Variants in HMCN2 observed in about 807,000 individuals in gnomAD.
HMCN2 encodes the protein hemicentin-2.
Under a neutral mutation model 377.5 loss-of-function variants are expected in HMCN2, and 325 were observed. The observed-to-expected ratio is 0.86, with a 90% CI of 0.79 to 0.94. The LOEUF (loss-of-function observed/expected upper bound fraction) is 0.94, where lower values mean the gene tolerates loss of function less well. Ranked by LOEUF, HMCN2 falls within the 40% of genes least tolerant of loss-of-function variation. HMCN2 has a pLI of 0.00. For missense variants in HMCN2, 4,543 were observed against 4,725.3 expected (o/e 0.96, Z 1.13); for synonymous variants, 2,007 against 2,046.8 (o/e 0.98, Z 0.53).
At chr9:130,323,513 T>A (rs1388290355) in intron 19 of HMCN2, among the ~76,000 whole-genome samples, 1 of 152,190 alleles carries the variant, frequency 6.6e-6, no homozygotes, top group African/African-American at 2.4e-5. Context: ...GCTTTTGTGC[T>A]GATCAGGGAA....
At position 130,384,386 on chromosome 9, in the gene HMCN2, C is replaced by T. The variant is rs1248034085; in HGVS notation, c.8844C>T (p.Ile2948=). Reference sequence around the variant, plus strand: ...CTGTGGGGATAGTCCCGCCACGAATCGCAGGCCTGGACTTGGAGCAGGTCA... The same window carrying T: ...CTGTGGGGATAGTCCCGCCACGAATTGCAGGCCTGGACTTGGAGCAGGTCA... The part of the protein sequence containing the change: ...FTLRVQVPPR[I]AGLDLEQVTA... The change falls in exon 58 of 98, where the codon ATC becomes ATT. Residue 2948 remains isoleucine (I), a synonymous_variant. Coordinates refer to ENST00000683500, the MANE Select transcript of HMCN2 (RefSeq NM_001291815.2). 5 of 1,298,738 alleles carry T rather than the reference C, an allele frequency of 3.8e-6. No homozygotes were observed. Among genetic ancestry groups the T allele is most frequent in the East Asian group, 5.6e-5 (1 of 17,926 alleles). 80.5% of individuals were successfully genotyped at this position (1,298,738 alleles called of 1,614,324 possible).
intron 22 of HMCN2, among the ~76,000 whole-genome samples, chr9:130,337,227 G>A (rs1348288775): frequency 6.6e-6 from 1 of 152,200 alleles, no homozygotes. Flanking sequence ...GGATGGGGGT[G>A]ATGTGACTTT....
chr9:130,382,246 G>A lies in HMCN2; in HGVS notation c.8494G>A (p.Ala2832Thr). 1 of 985,892 alleles carries A rather than the reference G, an allele frequency of 1.0e-6. No homozygotes were observed. The highest frequency in any genetic ancestry group is 1.2e-6 in the Non-Finnish European group (1 of 829,956). 61.1% of individuals were successfully genotyped at this position (985,892 alleles called of 1,614,324 possible). A position where few individuals can be genotyped will look rare whatever the true frequency, so the allele number is the denominator to read the frequency against. ...GAACGCCGGGAGGTACTCGTGCAAG[G>A]CCTCCAACGAGGTGGGCGAGGACTG... is the stretch of plus-strand genomic sequence containing the variant. ...AENAGRYSCK[A>T]SNEVGEDWLH... The change falls in exon 55 of 98, where the codon GCC (alanine) becomes ACC (threonine). Residue 2832 changes from alanine (A) to threonine (T), a missense_variant. Physicochemically the swap from Ala to Thr is moderately conservative, Grantham distance 58 (BLOSUM62 0). This residue lies in a region of HMCN2 where 736 missense variants were observed against 773.2 expected (regional missense o/e 0.95). Coordinates refer to ENST00000683500, the MANE Select transcript of HMCN2 (RefSeq NM_001291815.2).
intron 4 of HMCN2, among the ~76,000 whole-genome samples, chr9:130,287,532 CA>C (rs1835480359): frequency 1.1e-5 from 1 of 92,528 alleles, no homozygotes; most frequent in Non-Finnish European, 2.0e-5. Context: ...GCCTGGGCAA[CA>C]AGAGTGAAAC....
intron 54 of HMCN2, among the ~76,000 whole-genome samples, chr9:130,381,531 G>A (rs563488458): frequency 1.3e-5 from 2 of 152,232 alleles, no homozygotes; most frequent in South Asian, 2.1e-4. Context: ...ACCACACCCG[G>A]GGAATTTTTG....
At chr9:130,383,013 A>T (rs1475009245) in intron 56 of HMCN2, 147 bp downstream of exon 56, 3 of 392,754 alleles carry the variant, frequency 7.6e-6, no homozygotes, top group Admixed American at 1.3e-4. Flanking sequence ...ACCTGTGAGG[A>T]GGCATGCTGG....
intron 23 of HMCN2, among the ~76,000 whole-genome samples, chr9:130,340,535 T>C (rs36139561): frequency 0.42 from 62,867 of 149,792 alleles, 15,100 homozygotes; most frequent in Non-Finnish European, 0.56. Flanking sequence ...TTTTTTTTTT[T>C]CTTAGACGGA....
At chr9:130,339,659 T>C (rs1213264763) in intron 23 of HMCN2, among the ~76,000 whole-genome samples, 14 of 152,218 alleles carry the variant, frequency 9.2e-5, no homozygotes, top group Admixed American at 4.6e-4. Context: ...ATTGTGGGCA[T>C]TGAATGCTCA....
intron 74 of HMCN2, among the ~76,000 whole-genome samples, 165 bp from the exon 75 acceptor site, chr9:130,398,386 T>C (rs1842712015): frequency 6.6e-6 from 1 of 152,078 alleles, no homozygotes; most frequent in Non-Finnish European, 1.5e-5. Flanking sequence ...CAAAACACCC[T>C]GCTGGAAGCG....
At chr9:130,288,940 C>T (rs1835571915) in intron 4 of HMCN2, among the ~76,000 whole-genome samples, 1 of 152,196 alleles carries the variant, frequency 6.6e-6, no homozygotes, top group African/African-American at 2.4e-5. Context: ...CTTGAACCTG[C>T]CCCAAAGGTG....
At chr9:130,350,390 A>AAG (rs1480433788) in intron 29 of HMCN2, among the ~76,000 whole-genome samples, 3 of 142,828 alleles carry the variant, frequency 2.1e-5, no homozygotes, top group African/African-American at 5.1e-5. Flanking sequence ...AAAAAATACA[A>AAG]AAAAAAAAAA....
intron 85 of HMCN2, among the ~76,000 whole-genome samples, chr9:130,415,202 T>A (rs1360074870): frequency 6.6e-6 from 1 of 152,174 alleles, no homozygotes; most frequent in African/African-American, 2.4e-5. Context: ...GATGGAAGAT[T>A]TAAATAAGAG....
chr9:130,283,267 T>TA (rs1194514595), intron 1 of HMCN2, among the ~76,000 whole-genome samples: 20 of 149,748 alleles, frequency 1.3e-4, no homozygotes, highest in Admixed American at 6.0e-4. Flanking sequence ...TGCTATTTTT[T>TA]AAAAAAAAAA....
In HMCN2 at chr9:130,407,656, G is replaced by C. The variant is rs942933262; in HGVS notation, c.12639G>C (p.Ala4213=). 1 of 1,280,666 alleles carries C rather than the reference G, an allele frequency of 7.8e-7. No homozygotes were observed. The highest frequency in any genetic ancestry group is 5.7e-5 in the East Asian group (1 of 17,620). The allele number at this position is 1,280,666 out of a possible 1,614,324, so 79.3% of individuals were successfully genotyped here. A position where few individuals can be genotyped will look rare whatever the true frequency, so the allele number is the denominator to read the frequency against. Residue 4213 remains alanine (A), a synonymous_variant, in exon 83 of 98, where the codon GCG becomes GCC. Transcript: ENST00000683500. The stretch of plus-strand genomic sequence containing the variant: ...ACAGCGGGACCTATGTCTGCTGGGC[G>C]GAGAACAGAGTGGGCCGCACGCAGG... ...REDSGTYVCW[A]ENRVGRTQAV...
intron 22 of HMCN2, among the ~76,000 whole-genome samples, chr9:130,330,271 A>G (rs2131432728): frequency 6.6e-6 from 1 of 151,758 alleles, no homozygotes; most frequent in East Asian, 1.9e-4. Context: ...ACAGGGCTCC[A>G]CGGCAGCCCC....
In HMCN2 at chr9:130,334,759, T is replaced by TTC. The variant is rs1179524224; in HGVS notation, c.3360-3116_3360-3115dup. On this transcript the variant is annotated intron_variant, in intron 22 of 97. Coordinates refer to ENST00000683500, the MANE Select transcript of HMCN2 (RefSeq NM_001291815.2). ...CTCTCTTTCTCTTTCTCTCTCTCTC[T>TTC]TCTCTCTCTCTCTCTCTCTCCCTCT... Among the ~76,000 whole-genome samples, 848 of 136,058 alleles carry TTC rather than the reference T, an allele frequency of 6.2e-3. 14 individuals carry two copies. Among genetic ancestry groups the TTC allele is most frequent in the African/African-American group, 0.021 (755 of 36,472 alleles). The allele number at this position is 136,058 out of a possible 152,430, so 89.3% of individuals were successfully genotyped here. A position where few individuals can be genotyped will look rare whatever the true frequency, so the allele number is the denominator to read the frequency against.
chr9:130,331,257 G>A (rs1438088999), intron 22 of HMCN2, among the ~76,000 whole-genome samples: 1 of 151,980 alleles, frequency 6.6e-6, no homozygotes, highest in African/African-American at 2.4e-5. Context: ...GCCAGCTCTC[G>A]CGGTCATAAA....
At position 130,408,574 on chromosome 9, in the gene HMCN2, A is replaced by G. The variant is rs137989243; in HGVS notation, c.12689-169A>G. Among the ~76,000 whole-genome samples, 7 of 152,248 alleles carry G rather than the reference A, an allele frequency of 4.6e-5. No homozygotes were observed. In the East Asian group the frequency reaches 1.2e-3, roughly 25 times the overall value. ...TCTTTGTGACTTGACCCATGACATG[A>G]ACACTGTTTGCTGTCCCTGATGCAC... On this transcript the variant is annotated intron_variant, in intron 83 of 97. Coordinates refer to ENST00000683500, the MANE Select transcript of HMCN2 (RefSeq NM_001291815.2).
chr9:130,433,409 C>T lies in HMCN2; in HGVS notation c.14956C>T (p.Arg4986Trp). ...GTGGPSTLQY[R>W]LLPLPLGVRA... Reference sequence around the variant, plus strand: ...GGGCGGCCCCTCTACGCTGCAGTACCGGCTGCTGCCGCTGCCCCTGGGCGT... The same window carrying T: ...GGGCGGCCCCTCTACGCTGCAGTACTGGCTGCTGCCGCTGCCCCTGGGCGT... Residue 4986 changes from arginine (R) to tryptophan (W), a missense_variant, in exon 98 of 98, where the codon CGG becomes TGG. Transcript: ENST00000683500. 6.7e-7 allele frequency: 1 copy of T among 1,492,922 alleles called. No homozygotes were observed. 92.5% of individuals were successfully genotyped at this position (1,492,922 alleles called of 1,614,324 possible).
Sources: gnomAD v4.1 joint callset for allele counts (sites outside exome capture counted in the v4.1 genomes callset) on GRCh38, gnomAD v4.1.1 for gene constraint, gnomAD v4.1.1 regional missense constraint, MANE v1.5 for transcripts, NCBI Gene and HGNC (gene_info 2026-07-23, HGNC 2026-07-21) for gene names.